The following AKT2 variants were observed in gnomAD, a reference collection of about 807,000 sequenced individuals.
AKT2 encodes the protein RAC-beta serine/threonine-protein kinase.
In AKT2, 16 loss-of-function variants were observed where a neutral mutation model predicts 58.6. The ratio of observed to expected loss-of-function variants is 0.27; its 90% CI spans 0.18 to 0.41. AKT2 has a LOEUF of 0.41. Among genes scored for constraint, AKT2 ranks in the 10% least tolerant of loss-of-function variants. The pLI is 1.00. For synonymous variants in AKT2, 253 were observed against 254.0 expected (o/e 1.00, Z 0.04); for missense variants, 438 against 661.0 (o/e 0.66, Z 3.70).
Position 40,233,560 on chromosome 19 carries a change from C to T in AKT2, c.*312G>A, listed in dbSNP as rs367853315. 42 of 670,698 alleles carry T rather than the reference C, an allele frequency of 6.3e-5. No individual in the cohort carries two copies. The highest frequency in any genetic ancestry group is 1.1e-4 in the Non-Finnish European group (40 of 356,518). The allele number at this position is 670,698 out of a possible 1,614,324, so 41.5% of individuals were successfully genotyped here. ...GCCAGAAACTCAGGCAGGCCCCAGG[C>T]GCCATGCTTCACCCCTCACTGGGGC... On this transcript the variant is annotated 3_prime_UTR_variant, in exon 14 of 14. Coordinates refer to ENST00000392038, the MANE Select transcript of AKT2 (RefSeq NM_001626.6). The surrounding 1 kb of genome is among the most constrained non-coding windows in gnomAD (Gnocchi z 4.3).
rs192512500 is a variant in AKT2, at chr19:40,277,095, G to A, written c.-85+8086C>T. Among the ~76,000 whole-genome samples, 252 of 152,242 alleles carry A rather than the reference G, an allele frequency of 1.7e-3. 2 individuals are homozygous for A. The highest frequency in any genetic ancestry group is 5.8e-3 in the African/African-American group (243 of 41,542). On this transcript the variant is annotated intron_variant, in intron 1 of 13. Transcript: ENST00000392038. The stretch of plus-strand genomic sequence containing the variant: ...GGTTGTCCTGGGGACCCAATGAGAT[G>A]GCTTCACACACAGCTGGGGACAGGG...
At chr19:40,255,560 G>A (rs1348161673) in intron 3 of AKT2, among the ~76,000 whole-genome samples, 1 of 152,202 alleles carries the variant, frequency 6.6e-6, no homozygotes, top group African/African-American at 2.4e-5. Flanking sequence ...CCCAGCCTGG[G>A]GGGTTGGGGG....
chr19:40,248,861 G>A (rs921180426), intron 4 of AKT2, among the ~76,000 whole-genome samples: 10 of 140,462 alleles, frequency 7.1e-5, no homozygotes, highest in African/African-American at 1.1e-4. Flanking sequence ...ATGAGGACAG[G>A]GAGGAGTGGA....
intron 1 of AKT2, among the ~76,000 whole-genome samples, chr19:40,281,831 A>G (rs948011612): frequency 1.3e-5 from 2 of 152,236 alleles, no homozygotes; most frequent in Admixed American, 6.5e-5. Flanking sequence ...TAGTGAGGAG[A>G]CATTTCCGGT....
In AKT2 at chr19:40,234,340, C is replaced by T. The variant is rs1046284561; in HGVS notation, c.1367-389G>A. 3.7e-6 allele frequency: 1 copy of T among 269,982 alleles called. No homozygotes were observed. Among genetic ancestry groups the T allele is most frequent in the Non-Finnish European group, 7.1e-6 (1 of 141,626 alleles). 16.7% of individuals were successfully genotyped at this position (269,982 alleles called of 1,614,324 possible). A position where few individuals can be genotyped will look rare whatever the true frequency, so the allele number is the denominator to read the frequency against. On this transcript the variant is annotated intron_variant, in intron 13 of 13. Transcript: ENST00000392038. This position sits in a 1 kb window ranked among gnomAD's most constrained non-coding sequence, Gnocchi z 4.7. ...CTAAAGGCCTGCTTTAACCCTGTCC[C>T]TCTCTGTATGAAACCCTTCCATGGC...
intron 1 of AKT2, chr19:40,274,834 T>C (rs1180524459): frequency 2.9e-6 from 1 of 347,100 alleles, no homozygotes; most frequent in Non-Finnish European, 5.7e-6. Flanking sequence ...TGGGGGCCAC[T>C]GTCAGCATTG....
chr19:40,240,100 G>A lies in AKT2; in HGVS notation c.584C>T (p.Ala195Val). 1 of 1,614,062 alleles carries A rather than the reference G, an allele frequency of 6.2e-7. No individual in the cohort carries two copies. Among genetic ancestry groups the A allele is most frequent in the Non-Finnish European group, 8.5e-7 (1 of 1,180,040 alleles). ...GACCCGGCTCTCGGTGACTGTGTGAGCGACTTCATCCTGCAGACAGACTGC... is the reference window on the plus strand; with the variant it reads ...GACCCGGCTCTCGGTGACTGTGTGAACGACTTCATCCTGCAGACAGACTGC... ...KEVIIAKDEV[A>V]HTVTESRVLQ... The change falls in exon 7 of 14, where the codon GCT (alanine) becomes GTT (valine). Residue 195 changes from alanine (A) to valine (V), a missense_variant. This residue lies in a region of AKT2 where 244 missense variants were observed against 347.1 expected (regional missense o/e 0.70). Coordinates refer to ENST00000392038, the MANE Select transcript of AKT2 (RefSeq NM_001626.6).
At chr19:40,264,373 G>A (rs997085675) in intron 2 of AKT2, among the ~76,000 whole-genome samples, 3 of 152,144 alleles carry the variant, frequency 2.0e-5, no homozygotes, top group African/African-American at 4.8e-5. Flanking sequence ...ACTAAAAGGG[G>A]ACCTCAGCTT....
At chr19:40,265,595 A>C in intron 1 of AKT2, 1 of 456,538 alleles carries the variant, frequency 2.2e-6, no homozygotes. Flanking sequence ...CAGACCCCAA[A>C]CTCAGGACAC....
At chr19:40,282,308 T>C in intron 1 of AKT2, 1 of 361,330 alleles carries the variant, frequency 2.8e-6, no homozygotes. Flanking sequence ...GAGACCACTG[T>C]ATGGGAGTGA....
At position 40,236,373 on chromosome 19, in the gene AKT2, T is replaced by A; in HGVS notation, c.844A>T (p.Met282Leu). The A allele has an allele frequency of 6.2e-7, 1 of 1,614,150 alleles. No homozygotes were observed. Among genetic ancestry groups the A allele is most frequent in the Non-Finnish European group, 8.5e-7 (1 of 1,180,022 alleles). ...TTGATGTGGCCATCTTTGTCCAGCA[T>A]GAGGTTTTCCAGCTGTTGGAAAAGT... ...VYRDIKLENL[M>L]LDKDGHIKIT... Residue 282 changes from methionine to leucine, a missense_variant, in exon 10 of 14, where the codon ATG becomes TTG. By Grantham distance (15) the Met-to-Leu change is conservative. Coordinates refer to ENST00000392038, the MANE Select transcript of AKT2 (RefSeq NM_001626.6).
rs139618904 is a variant in AKT2 at position 40,273,153 on chromosome 19, C to A, written c.-84-7802G>T. 3.0e-3 allele frequency among the ~76,000 whole-genome samples: 462 copies of A among 152,104 alleles called. 2 individuals carry two copies. Among genetic ancestry groups the A allele is most frequent in the African/African-American group, 0.011 (445 of 41,494 alleles). Reference sequence around the variant, plus strand: ...GGTCAGGAGGTCGAGACCAGCCTGGCCAATATGGTGAAACTCTGTCTCTAC... The same window carrying A: ...GGTCAGGAGGTCGAGACCAGCCTGGACAATATGGTGAAACTCTGTCTCTAC... On this transcript the variant is annotated intron_variant, in intron 1 of 13. Transcript: ENST00000392038.
At chr19:40,244,084 AATAATAAT>A in intron 4 of AKT2, 1 of 148,274 alleles carries the variant, frequency 6.7e-6, no homozygotes, top group African/African-American at 2.5e-5. Context: ...TAATAATAAT[AATAATAAT>A]AAAATAAAGA....
intron 4 of AKT2, among the ~76,000 whole-genome samples, chr19:40,250,158 G>C (rs1245339724): frequency 6.6e-6 from 1 of 152,210 alleles, no homozygotes; most frequent in Non-Finnish European, 1.5e-5. Flanking sequence ...AGTTTACTCT[G>C]AGTGGGAGTG....
At chr19:40,283,070 T>G (rs2077452421) in intron 1 of AKT2, 1 of 154,072 alleles carries the variant, frequency 6.5e-6, no homozygotes, top group Non-Finnish European at 1.4e-5. Flanking sequence ...GAGACTTAAG[T>G]GAGATCACAT....
chr19:40,250,465 T>C (rs550231991), intron 4 of AKT2, among the ~76,000 whole-genome samples: 14 of 151,440 alleles, frequency 9.2e-5, no homozygotes, highest in African/African-American at 2.7e-4. Flanking sequence ...ATTGCACCAT[T>C]GTACTCCAGC....
intron 4 of AKT2, among the ~76,000 whole-genome samples, chr19:40,250,464 T>C (rs1030753149): frequency 2.0e-5 from 3 of 151,300 alleles, no homozygotes; most frequent in East Asian, 2.0e-4. Context: ...GATTGCACCA[T>C]TGTACTCCAG....
chr19:40,263,898 T>C (rs1298516122), intron 2 of AKT2, among the ~76,000 whole-genome samples: 1 of 152,174 alleles, frequency 6.6e-6, no homozygotes, highest in Non-Finnish European at 1.5e-5. Flanking sequence ...CCTTCAGGCC[T>C]TTATTCAGAT....
chr19:40,241,528 T>C, intron 6 of AKT2: 1 of 268,922 alleles, frequency 3.7e-6, no homozygotes, highest in South Asian at 4.0e-5. Context: ...AATTTTTGAA[T>C]GTCTTTGGAA....
Sources: gnomAD v4.1 joint callset for allele counts (sites outside exome capture counted in the v4.1 genomes callset) on GRCh38, gnomAD v4.1.1 for gene constraint, gnomAD v4.1.1 regional missense constraint, Gnocchi (gnomAD v3.1) non-coding constraint, MANE v1.5 for transcripts, NCBI Gene and HGNC (gene_info 2026-07-23, HGNC 2026-07-21) for gene names.